ZNF14: variants seen among roughly 807,000 people sequenced by gnomAD.
ZNF14 encodes zinc finger protein 14, also known as gonadotropin inducible transcription repressor-4.
In ZNF14, 9 loss-of-function variants were observed where a neutral mutation model predicts 11.3. The ratio of observed to expected loss-of-function variants is 0.80; its 90% CI spans 0.48 to 1.39. The LOEUF (loss-of-function observed/expected upper bound fraction) is 1.39, where lower values mean the gene tolerates loss of function less well. Ranked by LOEUF, ZNF14 falls within the 40% of genes most tolerant of loss-of-function variation. The pLI is 0.00. For synonymous variants in ZNF14, 239 were observed against 245.7 expected (o/e 0.97, Z 0.25); for missense variants, 711 against 763.9 (o/e 0.93, Z 0.82).
At chr19:19,723,914 G>C (rs1033931381) in intron 1 of ZNF14, among the ~76,000 whole-genome samples, 1 of 133,476 alleles carries the variant, frequency 7.5e-6, no homozygotes, top group African/African-American at 2.8e-5. Context: ...ATTTCTGTGG[G>C]ATCAGTGGTG....
At position 19,712,679 on chromosome 19, in the gene ZNF14, T is replaced by G; in HGVS notation, c.602A>C (p.Gln201Pro). Residue 201 changes from glutamine to proline, a missense_variant, in exon 4 of 4, where the codon CAA becomes CCA. Coordinates refer to ENST00000344099, the MANE Select transcript of ZNF14 (RefSeq NM_021030.3). ...GTAATATATAAAGGTTTTTCCACAT[T>G]GCTTACATTCATAGGGTTTCTGTCC... ...HAGQKPYECK[Q>P]CGKTFIYYQS... 1 of 1,613,980 alleles carries G rather than the reference T, an allele frequency of 6.2e-7. No individual in the cohort carries two copies. The highest frequency in any genetic ancestry group is 8.5e-7 in the Non-Finnish European group (1 of 1,179,966).
At chr19:19,726,367 C>T (rs1298959395) in intron 1 of ZNF14, among the ~76,000 whole-genome samples, 2 of 134,232 alleles carry the variant, frequency 1.5e-5, no homozygotes, top group African/African-American at 5.5e-5. Context: ...AGACCATTTG[C>T]CTGGATATCA....
chr19:19,717,473 T>C lies in ZNF14; in HGVS notation c.4-2986A>G, dbSNP rs1011767870. Among the ~76,000 whole-genome samples, 4 of 152,184 alleles carry C rather than the reference T, an allele frequency of 2.6e-5. No individual in the cohort carries two copies. In the East Asian group the frequency reaches 7.7e-4, roughly 29 times the overall value. ...ACACAGATATGATTGATTAAATCAT[T>C]ACACACTAATGATTAATTCAATCTC... On this transcript the variant is annotated intron_variant, in intron 1 of 3. Coordinates refer to ENST00000344099, the MANE Select transcript of ZNF14 (RefSeq NM_021030.3).
chr19:19,724,600 G>T (rs2062401720), intron 1 of ZNF14, among the ~76,000 whole-genome samples: 1 of 133,282 alleles, frequency 7.5e-6, no homozygotes, highest in Admixed American at 7.4e-5. Flanking sequence ...TATTAGGTCT[G>T]CTTGGTGCAG....
Position 19,712,659 on chromosome 19 carries a change from A to G in ZNF14, c.622T>C (p.Tyr208His). The G allele has an allele frequency of 6.2e-7, 1 of 1,613,972 alleles. No individual in the cohort carries two copies. The highest frequency in any genetic ancestry group is 8.5e-7 in the Non-Finnish European group (1 of 1,179,986). ...ECKQCGKTFIYYQSFQKHAHT... is the reference protein window; with the variant it reads ...ECKQCGKTFIHYQSFQKHAHT... ...GCATGTTTTTGAAAAGACTGGTAATATATAAAGGTTTTTCCACATTGCTTA... is the reference window on the plus strand; with the variant it reads ...GCATGTTTTTGAAAAGACTGGTAATGTATAAAGGTTTTTCCACATTGCTTA... Residue 208 changes from tyrosine (Y) to histidine (H), a missense_variant, in exon 4 of 4, where the codon TAT becomes CAT. Coordinates refer to ENST00000344099, the MANE Select transcript of ZNF14 (RefSeq NM_021030.3).
rs558057032 is a variant in ZNF14, at chr19:19,713,286, G to T, written c.192-197C>A. Among the ~76,000 whole-genome samples the T allele has an allele frequency of 3.3e-4, 50 of 152,208 alleles. 1 individual carries two copies. In the South Asian group the frequency reaches 9.1e-3, roughly 28 times the overall value. ...TATGATCAAAACAGTCAATTTTTTT[G>T]TTGTTGTTGTTTAAATAAGAGATGG... On this transcript the variant is annotated intron_variant, in intron 3 of 3. Coordinates refer to ENST00000344099, the MANE Select transcript of ZNF14 (RefSeq NM_021030.3).
intron 1 of ZNF14, among the ~76,000 whole-genome samples, chr19:19,714,706 TCTTTTTC>T (rs2062372735): frequency 8.1e-6 from 1 of 122,812 alleles, no homozygotes; most frequent in South Asian, 2.8e-4. Context: ...TTTTCCTTTT[TCTTTTTC>T]TTTTTTTTTT....
chr19:19,722,085 A>T (rs1438642182), intron 1 of ZNF14, among the ~76,000 whole-genome samples: 1 of 152,112 alleles, frequency 6.6e-6, no homozygotes, highest in Non-Finnish European at 1.5e-5. Flanking sequence ...GTTATTACTT[A>T]AATTCCAACC....
rs17699333 is a variant in ZNF14, at chr19:19,720,735, G to T, written c.4-6248C>A. 0.2 allele frequency among the ~76,000 whole-genome samples: 29,684 copies of T among 151,934 alleles called. 3,690 individuals are homozygous for T. Among genetic ancestry groups the T allele is most frequent in the East Asian group, 0.27 (1,370 of 5,164 alleles). On this transcript the variant is annotated intron_variant, in intron 1 of 3. Transcript: ENST00000344099. This position sits in a 1 kb window ranked among gnomAD's most constrained non-coding sequence, Gnocchi z 4.1. ...ATCAGGGAACTCATTTTACATCAAG[G>T]ACTACACAAGTGACATCAGATCAAT...
Position 19,732,073 on chromosome 19 carries a change from A to C in ZNF14, c.3+883T>G, listed in dbSNP as rs192107322. 1.1e-3 allele frequency among the ~76,000 whole-genome samples: 173 copies of C among 152,310 alleles called. 1 individual carries two copies. Among genetic ancestry groups the C allele is most frequent in the African/African-American group, 3.7e-3 (154 of 41,560 alleles). On this transcript the variant is annotated intron_variant, in intron 1 of 3. Transcript: ENST00000344099. ...AGAGCGAGACTCCGTCACACACAAA[A>C]AAAAATGCTTACCACTTATATACGG...
chr19:19,712,452 T>C lies in ZNF14; in HGVS notation c.829A>G (p.Lys277Glu). ...RTHERTHTGE[K>E]PYKCKECGKA... ...CCACATTCTTTACATTTGTAGGGTT[T>C]TTCTCCAGTGTGAGTTCTTTCATGA... Residue 277 changes from lysine (K) to glutamate (E), a missense_variant, in exon 4 of 4, where the codon AAA becomes GAA. Lys to Glu is a moderately conservative substitution (Grantham distance 56, BLOSUM62 1). Transcript: ENST00000344099. 6.4e-7 allele frequency: 1 copy of C among 1,559,446 alleles called. No homozygotes were observed. Among genetic ancestry groups the C allele is most frequent in the South Asian group, 1.2e-5 (1 of 86,064 alleles).
At position 19,711,506 on chromosome 19, in the gene ZNF14, C is replaced by T; in HGVS notation, c.1775G>A (p.Cys592Tyr). 1 of 1,613,790 alleles carries T rather than the reference C, an allele frequency of 6.2e-7. No homozygotes were observed. The highest frequency in any genetic ancestry group is 8.5e-7 in the Non-Finnish European group (1 of 1,179,918). Residue 592 changes from cysteine to tyrosine, a missense_variant, in exon 4 of 4, where the codon TGT becomes TAT. By Grantham distance (194) the Cys-to-Tyr change is radical. Transcript: ENST00000344099. ...ACTTGAAAATCTGAAGGCTTTCCCA[C>T]ATTGTTTACATCGATAGGGTTTCTC... ...TGEKPYRCKQCGKAFRFSSSV... is the reference protein window; with the variant it reads ...TGEKPYRCKQYGKAFRFSSSV...
intron 1 of ZNF14, among the ~76,000 whole-genome samples, chr19:19,717,781 A>G (rs2062381830): frequency 6.6e-6 from 1 of 152,216 alleles, no homozygotes; most frequent in Admixed American, 6.5e-5. Context: ...TCATAGGACT[A>G]TAACATGTTT....
chr19:19,729,977 T>C (rs1278271462), intron 1 of ZNF14, among the ~76,000 whole-genome samples: 1 of 152,180 alleles, frequency 6.6e-6, no homozygotes. Flanking sequence ...ATTCAACACA[T>C]ACTAAATTCA....
intron 1 of ZNF14, among the ~76,000 whole-genome samples, chr19:19,729,855 C>T (rs1373258439): frequency 6.6e-6 from 1 of 152,062 alleles, no homozygotes; most frequent in Non-Finnish European, 1.5e-5. Flanking sequence ...AAAAACCTTA[C>T]CCTCACCCAT....
rs568065537 is a variant in ZNF14, at chr19:19,726,740, C to T, written c.3+6216G>A. Among the ~76,000 whole-genome samples the T allele has an allele frequency of 2.0e-4, 27 of 133,584 alleles. 4 individuals carry two copies. Among genetic ancestry groups the T allele is most frequent in the African/African-American group, 6.4e-4 (23 of 36,216 alleles). 87.6% of individuals were successfully genotyped at this position (133,584 alleles called of 152,430 possible). On this transcript the variant is annotated intron_variant, in intron 1 of 3. Transcript: ENST00000344099. ...GAGCTGTGGTGAGCTCCACCCAGTT[C>T]GAGCTTCCCAGCCGCTTTGTTTACC... is the stretch of plus-strand genomic sequence containing the variant.
Position 19,733,085 on chromosome 19 carries a change from A to G in ZNF14, c.-127T>C, listed in dbSNP as rs2062429025. On this transcript the variant is annotated 5_prime_UTR_variant, in exon 1 of 4. It removes an upstream start codon present in the reference 5' UTR. Transcript: ENST00000344099. ...GGAGCAGGTGAAACGCAATCTTCCC[A>G]TGGGCCAGGAATGGCGACGTCCGCA... The G allele has an allele frequency of 1.6e-6, 2 of 1,254,980 alleles. No homozygotes were observed. Among genetic ancestry groups the G allele is most frequent in the Admixed American group, 4.4e-5 (2 of 45,436 alleles). The allele number at this position is 1,254,980 out of a possible 1,614,324, so 77.7% of individuals were successfully genotyped here. A position where few individuals can be genotyped will look rare whatever the true frequency, so the allele number is the denominator to read the frequency against.
intron 1 of ZNF14, among the ~76,000 whole-genome samples, chr19:19,718,838 C>A (rs1158361848): frequency 3.3e-5 from 5 of 152,030 alleles, no homozygotes; most frequent in Non-Finnish European, 7.4e-5. Context: ...CGATCCTGGC[C>A]CACTGCAACC....
intron 1 of ZNF14, among the ~76,000 whole-genome samples, chr19:19,731,540 C>G (rs917095785): frequency 1.3e-5 from 2 of 151,930 alleles, no homozygotes; most frequent in African/African-American, 4.8e-5. Context: ...CATGCCGTTG[C>G]ACTCCAGCCT....
Sources: gnomAD v4.1 joint callset for allele counts (sites outside exome capture counted in the v4.1 genomes callset) on GRCh38, gnomAD v4.1.1 for gene constraint, Gnocchi (gnomAD v3.1) non-coding constraint, MANE v1.5 for transcripts, NCBI Gene and HGNC (gene_info 2026-07-23, HGNC 2026-07-21) for gene names.